The following TBC1D24 variants were observed in gnomAD, a reference collection of about 807,000 sequenced individuals.
The protein encoded by TBC1D24 is Infantile myoclonic epilepsy.
In TBC1D24, 47 loss-of-function variants were observed where a neutral mutation model predicts 50.7. The observed-to-expected ratio is 0.93, with a 90% CI of 0.73 to 1.18. The LOEUF (loss-of-function observed/expected upper bound fraction) is 1.18, where lower values mean the gene tolerates loss of function less well. Ranked by LOEUF, TBC1D24 falls within the 50% of genes most tolerant of loss-of-function variation. TBC1D24 has a pLI of 0.00. For missense variants in TBC1D24, 688 were observed against 766.5 expected (o/e 0.90, Z 1.21); for synonymous variants, 324 against 335.2 (o/e 0.97, Z 0.36).
rs1386609225 is a variant in TBC1D24 at position 2,501,302 on chromosome 16, C to T, written c.*344C>T. 8.7e-6 allele frequency: 3 copies of T among 346,688 alleles called. No homozygotes were observed. Among genetic ancestry groups the T allele is most frequent in the Admixed American group, 4.2e-5 (1 of 24,068 alleles). 21.5% of individuals were successfully genotyped at this position (346,688 alleles called of 1,614,324 possible). A position where few individuals can be genotyped will look rare whatever the true frequency, so the allele number is the denominator to read the frequency against. ...CTTGCTGCCCCTGAGCCTCTCTAGGCAGCCTGAGCCCCTGGGGTGGGAGTA... is the reference window on the plus strand; with the variant it reads ...CTTGCTGCCCCTGAGCCTCTCTAGGTAGCCTGAGCCCCTGGGGTGGGAGTA... On this transcript the variant is annotated 3_prime_UTR_variant, in exon 8 of 8. Coordinates refer to ENST00000646147, the MANE Select transcript of TBC1D24 (RefSeq NM_001199107.2).
chr16:2,484,626 G>T (rs1160314067), intron 1 of TBC1D24: 2 of 152,300 alleles, frequency 1.3e-5, no homozygotes, highest in Non-Finnish European at 2.9e-5. Flanking sequence ...TCAGGAGAAG[G>T]TTCCAGAAAG....
chr16:2,499,824 C>T lies in TBC1D24; in HGVS notation c.1207-11C>T, dbSNP rs778247648. On this transcript the variant is annotated splice_polypyrimidine_tract_variant and intron_variant, in intron 5 of 7. Coordinates refer to ENST00000646147, the MANE Select transcript of TBC1D24 (RefSeq NM_001199107.2). This position sits in a 1 kb window ranked among gnomAD's most constrained non-coding sequence, Gnocchi z 4.0. ...CCTGCGGGCACAGCCTCACCCAGAC[C>T]TTTCCCCCAGGTGTGTGGTGCTTAC... 1.7e-5 allele frequency: 27 copies of T among 1,613,162 alleles called. No homozygotes were observed. The East Asian group carries it at 4.5e-4, about 27-fold the overall frequency.
intron 1 of TBC1D24, among the ~76,000 whole-genome samples, chr16:2,488,799 G>A (rs927475402): frequency 7.1e-6 from 1 of 141,764 alleles, no homozygotes; most frequent in South Asian, 2.3e-4. Flanking sequence ...GGTGGCTCAC[G>A]CCTGTAATCC....
At chr16:2,490,280 G>A (rs1295276971) in intron 1 of TBC1D24, among the ~76,000 whole-genome samples, 2 of 152,232 alleles carry the variant, frequency 1.3e-5, no homozygotes, top group Admixed American at 1.3e-4. Context: ...AAGACAGGAG[G>A]AGTGCTTCTC....
intron 1 of TBC1D24, among the ~76,000 whole-genome samples, chr16:2,476,334 A>C (rs1203185234): frequency 6.6e-6 from 1 of 152,202 alleles, no homozygotes; most frequent in African/African-American, 2.4e-5. Context: ...CACAGTAGGC[A>C]CCTGTAAATG....
rs890629159 is a variant in TBC1D24 at position 2,502,999 on chromosome 16, C to T, written c.*2041C>T. 1.1e-4 allele frequency: 16 copies of T among 152,322 alleles called. No homozygotes were observed. Among genetic ancestry groups the T allele is most frequent in the African/African-American group, 3.6e-4 (15 of 41,456 alleles). 9.4% of individuals were successfully genotyped at this position (152,322 alleles called of 1,614,324 possible). ...TCTATGACTGGAATGCTGCAAGCCT[C>T]TTCCAGAGGGAGCCCTCCAGGAGCA... On this transcript the variant is annotated 3_prime_UTR_variant, in exon 8 of 8. Coordinates refer to ENST00000646147, the MANE Select transcript of TBC1D24 (RefSeq NM_001199107.2).
chr16:2,492,099 C>G (rs2065699997), intron 1 of TBC1D24, among the ~76,000 whole-genome samples: 1 of 152,174 alleles, frequency 6.6e-6, no homozygotes, highest in African/African-American at 2.4e-5. Context: ...CTGAGCCTCC[C>G]AAAGTGCTGG....
Position 2,499,059 on chromosome 16 carries a change from C to A in TBC1D24, c.1143-298C>A, listed in dbSNP as rs1258087350. 1.3e-5 allele frequency among the ~76,000 whole-genome samples: 2 copies of A among 152,230 alleles called. No individual in the cohort carries two copies. The highest frequency in any genetic ancestry group is 4.8e-5 in the African/African-American group (2 of 41,454). On this transcript the variant is annotated intron_variant, in intron 4 of 7. Transcript: ENST00000646147. The surrounding 1 kb of genome is among the most constrained non-coding windows in gnomAD (Gnocchi z 4.0). ...GGGCTGCGAGGATGGCCCAAACCTC[C>A]CCACCGCAGGGACCTGTTCCTCTGG... is the stretch of plus-strand genomic sequence containing the variant.
rs373862230 is a variant in TBC1D24 at position 2,500,447 on chromosome 16, C to G, written c.1482C>G (p.Thr494=). The part of the protein sequence containing the change: ...AARHFNLPSK[T]ESMFMAGGSD... ...GCCACTTCAACCTGCCCTCCAAGAC[C>G]GAGTCCATGTTCATGGCGGGGGGCA... is the stretch of plus-strand genomic sequence containing the variant. The change falls in exon 7 of 8, where the codon ACC becomes ACG. Residue 494 remains threonine (T), a synonymous_variant. Transcript: ENST00000646147. The surrounding 1 kb of genome is among the most constrained non-coding windows in gnomAD (Gnocchi z 8.0). The G allele has an allele frequency of 3.8e-6, 6 of 1,599,688 alleles. No individual in the cohort carries two copies. In the African/African-American group the frequency reaches 6.7e-5, roughly 18 times the overall value.
At chr16:2,492,134 T>C (rs2065700360) in intron 1 of TBC1D24, among the ~76,000 whole-genome samples, 1 of 152,150 alleles carries the variant, frequency 6.6e-6, no homozygotes. Flanking sequence ...GCCCCTTTGC[T>C]GGCCTGGACC....
At position 2,485,369 on chromosome 16, in the gene TBC1D24, A is replaced by G. The variant is rs530064895; in HGVS notation, c.-116+10199A>G. On this transcript the variant is annotated intron_variant, in intron 1 of 7. Transcript: ENST00000646147. This position sits in a 1 kb window ranked among gnomAD's most constrained non-coding sequence, Gnocchi z 4.6. The stretch of plus-strand genomic sequence containing the variant: ...TTAACAAGGGCTCCATGTCAACCCT[A>G]GAAGACAGGACTTGGAGAGCTTCTG... 1 of 152,302 alleles carries G rather than the reference A, an allele frequency of 6.6e-6. No individual in the cohort carries two copies. The highest frequency in any genetic ancestry group is 2.4e-5 in the African/African-American group (1 of 41,546). The allele number at this position is 152,302 out of a possible 1,614,324, so 9.4% of individuals were successfully genotyped here. A position where few individuals can be genotyped will look rare whatever the true frequency, so the allele number is the denominator to read the frequency against.
chr16:2,500,360 C>A lies in TBC1D24; in HGVS notation c.1395C>A (p.Ala465=), dbSNP rs771986097. 1 of 1,609,532 alleles carries A rather than the reference C, an allele frequency of 6.2e-7. No individual in the cohort carries two copies. Among genetic ancestry groups the A allele is most frequent in the South Asian group, 1.1e-5 (1 of 90,160 alleles). The change falls in exon 7 of 8, where the codon GCC becomes GCA. Residue 465 remains alanine, a synonymous_variant. Transcript: ENST00000646147. The surrounding 1 kb of genome is among the most constrained non-coding windows in gnomAD (Gnocchi z 8.0). ...PPPLMAAEPT[A]PLSHSASSDP... is the part of the protein sequence containing the mutation. ...CCTTGATGGCTGCCGAGCCCACCGC[C>A]CCACTCAGCCACTCCGCCTCCTCAG...
chr16:2,492,856 G>A (rs941020676), intron 1 of TBC1D24, among the ~76,000 whole-genome samples: 3 of 152,118 alleles, frequency 2.0e-5, no homozygotes, highest in African/African-American at 7.2e-5. Context: ...ACTTTGGGAG[G>A]CTGAGGCGGG....
chr16:2,494,160 T>A (rs2065718295), intron 1 of TBC1D24, among the ~76,000 whole-genome samples: 1 of 152,178 alleles, frequency 6.6e-6, no homozygotes, highest in Non-Finnish European at 1.5e-5. Context: ...ACGCCTGTAA[T>A]CCCAACACTT....
rs1284130604 is a variant in TBC1D24, at chr16:2,487,493, T to G, written c.-115-8541T>G. ...TAAATGTGTGTTCTGTCTTTGTACA[T>G]GAAAGAGAGTTTGTTTTCAAATCCG... is the stretch of plus-strand genomic sequence containing the variant. On this transcript the variant is annotated intron_variant, in intron 1 of 7. Transcript: ENST00000646147. The surrounding 1 kb of genome is among the most constrained non-coding windows in gnomAD (Gnocchi z 4.1). 2.0e-5 allele frequency among the ~76,000 whole-genome samples: 3 copies of G among 152,242 alleles called. No individual in the cohort carries two copies. Among genetic ancestry groups the G allele is most frequent in the African/African-American group, 7.2e-5 (3 of 41,472 alleles).
At chr16:2,477,191 G>A (rs1001888470) in intron 1 of TBC1D24, 2 of 152,172 alleles carry the variant, frequency 1.3e-5, no homozygotes, top group African/African-American at 4.8e-5. Flanking sequence ...CTTTCAATTG[G>A]AGATAAAATC....
At chr16:2,477,018 A>G (rs1049385765) in intron 1 of TBC1D24, 1 of 152,244 alleles carries the variant, frequency 6.6e-6, no homozygotes, top group Non-Finnish European at 1.5e-5. Flanking sequence ...TTTAAAGTAC[A>G]TAAGGACAAT....
chr16:2,500,767 G>C lies in TBC1D24; in HGVS notation c.1526-37G>C. The C allele has an allele frequency of 1.3e-6, 2 of 1,582,196 alleles. No individual in the cohort carries two copies. The highest frequency in any genetic ancestry group is 1.7e-6 in the Non-Finnish European group (2 of 1,170,548). ...TGAGGTGCCTGGGTCAGTGCTGATA[G>C]GGCAGTCAGGCCGCCACTGACCTGA... On this transcript the variant is annotated intron_variant, in intron 7 of 7. Transcript: ENST00000646147. This position sits in a 1 kb window ranked among gnomAD's most constrained non-coding sequence, Gnocchi z 8.0.
rs1449506813 is a variant in TBC1D24, at chr16:2,475,213, C to CG, written c.-116+46dup. The CG allele has an allele frequency of 1.5e-5, 2 of 131,736 alleles. No individual in the cohort carries two copies. The highest frequency in any genetic ancestry group is 5.5e-5 in the African/African-American group (2 of 36,082). The allele number at this position is 131,736 out of a possible 1,614,324, so 8.2% of individuals were successfully genotyped here. A position where few individuals can be genotyped will look rare whatever the true frequency, so the allele number is the denominator to read the frequency against. ...GTGCGGGGGGCGCGCGGCGGGGTGG[C>CG]GGGTGGCGGGGCCGGGTCCCCGCTG... On this transcript the variant is annotated intron_variant, in intron 1 of 7. Transcript: ENST00000646147. This position sits in a 1 kb window ranked among gnomAD's most constrained non-coding sequence, Gnocchi z 4.2.
Sources: allele counts gnomAD v4.1 joint callset (sites outside exome capture counted in the v4.1 genomes callset), GRCh38; gene constraint gnomAD v4.1.1; non-coding constraint Gnocchi (gnomAD v3.1); transcripts MANE v1.5; gene names NCBI Gene and HGNC (gene_info 2026-07-23, HGNC 2026-07-21).